Variants in ZNF804B observed in about 807,000 individuals in gnomAD.
The protein encoded by ZNF804B is zinc finger protein 804B.
Under a neutral mutation model 101.4 loss-of-function variants are expected in ZNF804B, and 80 were observed. The ratio of observed to expected loss-of-function variants is 0.79; its 90% CI spans 0.66 to 0.95. The LOEUF is 0.95. ZNF804B is among the 40% of genes least tolerant of loss of function. The pLI is 0.00. For synonymous variants in ZNF804B, 622 were observed against 558.8 expected (o/e 1.11, Z -1.59); for missense variants, 1,673 against 1,561.9 (o/e 1.07, Z -1.20).
chr7:89,278,158 G>C (rs555214665), intron 2 of ZNF804B, among the ~76,000 whole-genome samples: 44 of 152,280 alleles, frequency 2.9e-4, no homozygotes, highest in Middle Eastern at 3.4e-3. Flanking sequence ...CTTTTCAGAA[G>C]TGTCTGTTCA....
At chr7:89,229,833 G>T (rs1204450886) in intron 2 of ZNF804B, among the ~76,000 whole-genome samples, 1 of 151,884 alleles carries the variant, frequency 6.6e-6, no homozygotes, top group Non-Finnish European at 1.5e-5. Context: ...CACATTAAAA[G>T]TTTTTAAATA....
chr7:89,075,329 G>A, intron 1 of ZNF804B, among the ~76,000 whole-genome samples: 1 of 152,106 alleles, frequency 6.6e-6, no homozygotes, highest in East Asian at 1.9e-4. Flanking sequence ...CAGGCCCTGG[G>A]TCCCTGTGCT....
chr7:89,175,661 G>T (rs1301129380), intron 1 of ZNF804B, among the ~76,000 whole-genome samples: 5 of 151,454 alleles, frequency 3.3e-5, no homozygotes. Flanking sequence ...GCTTTTGGTA[G>T]TATGCACATT....
At chr7:89,277,598 T>C (rs1365349026) in intron 2 of ZNF804B, among the ~76,000 whole-genome samples, 3 of 149,008 alleles carry the variant, frequency 2.0e-5, no homozygotes, top group Non-Finnish European at 4.4e-5. Flanking sequence ...GAATATGCGG[T>C]GTTTGGTTTT....
At chr7:88,841,936 G>T (rs989091792) in intron 1 of ZNF804B, among the ~76,000 whole-genome samples, 1 of 152,132 alleles carries the variant, frequency 6.6e-6, no homozygotes, top group African/African-American at 2.4e-5. Flanking sequence ...TTTATCAGTT[G>T]CCTACTAGGC....
chr7:89,126,204 G>A (rs769688274), intron 1 of ZNF804B, among the ~76,000 whole-genome samples: 1 of 151,790 alleles, frequency 6.6e-6, no homozygotes, highest in Non-Finnish European at 1.5e-5. Context: ...TAACATATTA[G>A]TGTACAATAT....
At chr7:89,162,131 C>CG (rs11437449) in intron 1 of ZNF804B, among the ~76,000 whole-genome samples, 31,082 of 151,912 alleles carry the variant, frequency 0.2, 3,388 homozygotes, top group Middle Eastern at 0.39. Flanking sequence ...TTTTCAGGGG[C>CG]GGGGGGAAGT....
intron 1 of ZNF804B, among the ~76,000 whole-genome samples, chr7:89,063,528 A>C (rs1433901152): frequency 2.6e-5 from 4 of 152,114 alleles, no homozygotes; most frequent in African/African-American, 2.4e-5. Flanking sequence ...CCATTCAGTT[A>C]ATTATTAGAG....
intron 1 of ZNF804B, among the ~76,000 whole-genome samples, chr7:88,883,893 C>A (rs1583996349): frequency 6.6e-6 from 1 of 152,104 alleles, no homozygotes; most frequent in East Asian, 1.9e-4. Flanking sequence ...TCTATTTCTG[C>A]ATCTTTTTAT....
chr7:89,041,233 T>C (rs1182820627), intron 1 of ZNF804B, among the ~76,000 whole-genome samples: 1 of 152,256 alleles, frequency 6.6e-6, no homozygotes, highest in East Asian at 1.9e-4. Flanking sequence ...AGGAAACAGA[T>C]CTGTTCCTGA....
At chr7:89,207,491 C>T (rs1336947877) in intron 1 of ZNF804B, among the ~76,000 whole-genome samples, 2 of 152,180 alleles carry the variant, frequency 1.3e-5, no homozygotes, top group Admixed American at 6.5e-5. Context: ...GATTACTTCC[C>T]ACTGAGTCCC....
chr7:89,108,749 A>C (rs971101084), intron 1 of ZNF804B, among the ~76,000 whole-genome samples: 5 of 152,148 alleles, frequency 3.3e-5, no homozygotes, highest in Admixed American at 3.3e-4. Context: ...AGAAGAAATA[A>C]GTGTGAAAAG....
intron 2 of ZNF804B, among the ~76,000 whole-genome samples, chr7:89,301,221 C>T (rs867195955): frequency 2.8e-5 from 4 of 141,994 alleles, no homozygotes; most frequent in East Asian, 4.3e-4. Context: ...GACAGCTTTT[C>T]GTCTTATTTT....
intron 1 of ZNF804B, among the ~76,000 whole-genome samples, chr7:88,941,591 G>A (rs546575972): frequency 4.3e-4 from 66 of 152,026 alleles, no homozygotes; most frequent in Non-Finnish European, 7.8e-4. Flanking sequence ...AAGATCAGTG[G>A]TTGTTAGGGA....
intron 1 of ZNF804B, among the ~76,000 whole-genome samples, chr7:89,153,477 T>G (rs1790909613): frequency 6.6e-6 from 1 of 151,168 alleles, no homozygotes; most frequent in East Asian, 1.9e-4. Context: ...TTGCTCTATT[T>G]TCTTTTTCTG....
chr7:88,816,070 G>A (rs542902759), intron 1 of ZNF804B, among the ~76,000 whole-genome samples: 52 of 151,888 alleles, frequency 3.4e-4, no homozygotes, highest in Middle Eastern at 6.8e-3. Context: ...GATATCCTCC[G>A]CACCCAACTT....
At chr7:88,772,845 T>C (rs1052920556) in intron 1 of ZNF804B, among the ~76,000 whole-genome samples, 2 of 152,080 alleles carry the variant, frequency 1.3e-5, no homozygotes, top group African/African-American at 4.8e-5. Context: ...CAAAGGAAAT[T>C]CTAGGAGCCA....
intron 2 of ZNF804B, among the ~76,000 whole-genome samples, chr7:89,286,248 T>C (rs1790194236): frequency 6.6e-6 from 1 of 151,098 alleles, no homozygotes; most frequent in South Asian, 2.1e-4. Context: ...CACACAATCC[T>C]CTATGGAAAG....
chr7:89,018,427 A>T (rs1422136091), intron 1 of ZNF804B, among the ~76,000 whole-genome samples: 1 of 151,906 alleles, frequency 6.6e-6, no homozygotes, highest in Non-Finnish European at 1.5e-5. Context: ...TATTTTGTTG[A>T]GGATTGCATC....
Sources: gnomAD v4.1 joint callset for allele counts (sites outside exome capture counted in the v4.1 genomes callset) on GRCh38, gnomAD v4.1.1 for gene constraint, MANE v1.5 for transcripts, NCBI Gene and HGNC (gene_info 2026-07-23, HGNC 2026-07-21) for gene names.